Variants in DCAF4L2 observed in about 807,000 individuals in gnomAD.
DCAF4L2 encodes the protein DDB1- and CUL4-associated factor 4-like protein 2.
Under a neutral mutation model 15.5 loss-of-function variants are expected in DCAF4L2, and 13 were observed. The observed-to-expected ratio is 0.84, with a 90% CI of 0.54 to 1.33. DCAF4L2 has a LOEUF of 1.33. Among genes scored for constraint, DCAF4L2 ranks in the 40% most tolerant of loss-of-function variants. DCAF4L2 has a pLI of 0.00. For missense variants in DCAF4L2, 519 were observed against 509.6 expected (o/e 1.02, Z -0.18); for synonymous variants, 251 against 207.0 (o/e 1.21, Z -1.83).
At position 87,872,521 on chromosome 8, in the gene DCAF4L2, G is replaced by C. The variant is rs539446152; in HGVS notation, c.*263C>G. The C allele has an allele frequency of 2.0e-5, 6 of 292,704 alleles. No individual in the cohort carries two copies. In the Admixed American group the frequency reaches 2.3e-4, roughly 11 times the overall value. 18.1% of individuals were successfully genotyped at this position (292,704 alleles called of 1,614,324 possible). On this transcript the variant is annotated 3_prime_UTR_variant, in exon 1 of 1. Transcript: ENST00000319675. ...TTTGTTAAAAAAAAAAAAAAAGGGGGGGATAACTATTCTAAGGTATTCAAC... is the reference window on the plus strand; with the variant it reads ...TTTGTTAAAAAAAAAAAAAAAGGGGCGGATAACTATTCTAAGGTATTCAAC...
In DCAF4L2 at chr8:87,873,982, G is replaced by A. The variant is rs139114827; in HGVS notation, c.-11C>T. The A allele has an allele frequency of 6.8e-6, 11 of 1,610,672 alleles. No individual in the cohort carries two copies. The highest frequency in any genetic ancestry group is 5.5e-5 in the South Asian group (5 of 90,702). On this transcript the variant is annotated 5_prime_UTR_variant, in exon 1 of 1. Transcript: ENST00000319675. The stretch of plus-strand genomic sequence containing the variant: ...TCTTTTGCTCTCCATTTCGTTCGGC[G>A]GATGTTCTCCCTCCTGAGGGGAAGT...
Position 87,872,288 on chromosome 8 carries a change from G to C in DCAF4L2, c.*496C>G, listed in dbSNP as rs780603248. On this transcript the variant is annotated 3_prime_UTR_variant, in exon 1 of 1. Transcript: ENST00000319675. ...CCAAGTTTAATGATTCCAAAATGTAGCCTTAAAAACTTCTGGAGAGACTCA... is the reference window on the plus strand; with the variant it reads ...CCAAGTTTAATGATTCCAAAATGTACCCTTAAAAACTTCTGGAGAGACTCA... 6.5e-6 allele frequency: 1 copy of C among 154,540 alleles called. No homozygotes were observed. The highest frequency in any genetic ancestry group is 2.4e-5 in the African/African-American group (1 of 41,396). The allele number at this position is 154,540 out of a possible 1,614,324, so 9.6% of individuals were successfully genotyped here. A position where few individuals can be genotyped will look rare whatever the true frequency, so the allele number is the denominator to read the frequency against.
chr8:87,873,387 G>C lies in DCAF4L2; in HGVS notation c.585C>G (p.His195Gln). Residue 195 changes from histidine to glutamine, a missense_variant, in exon 1 of 1, where the codon CAC becomes CAG. His to Gln is a conservative substitution (Grantham distance 24, BLOSUM62 0). Coordinates refer to ENST00000319675, the MANE Select transcript of DCAF4L2 (RefSeq NM_152418.4). ...AWSCAWSLSI[H>Q]AYHSFSTGLS... is the part of the protein sequence containing the mutation. ...AGCCTGTACTGAAAGAGTGATACGC[G>C]TGGATGCTCAGGGACCAGGCACAGG... The C allele has an allele frequency of 1.2e-6, 2 of 1,614,202 alleles. No homozygotes were observed. Among genetic ancestry groups the C allele is most frequent in the East Asian group, 2.2e-5 (1 of 44,872 alleles).
In DCAF4L2 at chr8:87,872,714, G is replaced by A. The variant is rs1809421000; in HGVS notation, c.*70C>T. The A allele has an allele frequency of 2.1e-6, 3 of 1,450,740 alleles. No individual in the cohort carries two copies. The highest frequency in any genetic ancestry group is 4.7e-5 in the East Asian group (2 of 42,468). 89.9% of individuals were successfully genotyped at this position (1,450,740 alleles called of 1,614,324 possible). On this transcript the variant is annotated 3_prime_UTR_variant, in exon 1 of 1. Coordinates refer to ENST00000319675, the MANE Select transcript of DCAF4L2 (RefSeq NM_152418.4). ...GAACATCTCTTAAAATGCGCTCATA[G>A]AAACGGTAATACGATGCTCTTTACT...
At position 87,872,501 on chromosome 8, in the gene DCAF4L2, TAAAA is replaced by T. The variant is rs35671460; in HGVS notation, c.*279_*282del. The T allele has an allele frequency of 0.023, 4,421 of 194,010 alleles. 145 individuals are homozygous for T. The highest frequency in any genetic ancestry group is 0.088 in the African/African-American group (3,673 of 41,700). The allele number at this position is 194,010 out of a possible 1,614,324, so 12.0% of individuals were successfully genotyped here. ...AGTCCTTAGAAAAGTGTTTTTTTGT[TAAAA>T]AAAAAAAAAAAGGGGGGGATAACTA... On this transcript the variant is annotated 3_prime_UTR_variant, in exon 1 of 1. Coordinates refer to ENST00000319675, the MANE Select transcript of DCAF4L2 (RefSeq NM_152418.4).
In DCAF4L2 at chr8:87,873,430, T is replaced by C. The variant is rs948401995; in HGVS notation, c.542A>G (p.Gln181Arg). 44 of 1,614,162 alleles carry C rather than the reference T, an allele frequency of 2.7e-5. No homozygotes were observed. Among genetic ancestry groups the C allele is most frequent in the Non-Finnish European group, 3.5e-5 (41 of 1,180,024 alleles). ...GGCACAGGACCAGGCATCAGGGATC[T>C]GGAAACTGCAAAGCATGCCAGGCCG... ...MRRPGMLCSF[Q>R]IPDAWSCAWS... Residue 181 changes from glutamine to arginine, a missense_variant, in exon 1 of 1, where the codon CAG (glutamine) becomes CGG (arginine). Transcript: ENST00000319675.
At position 87,872,718 on chromosome 8, in the gene DCAF4L2, C is replaced by A. The variant is rs894119877; in HGVS notation, c.*66G>T. 4.8e-6 allele frequency: 7 copies of A among 1,464,648 alleles called. No homozygotes were observed. In the Middle Eastern group the frequency reaches 8.6e-4, roughly 181 times the overall value. The allele number at this position is 1,464,648 out of a possible 1,614,324, so 90.7% of individuals were successfully genotyped here. A position where few individuals can be genotyped will look rare whatever the true frequency, so the allele number is the denominator to read the frequency against. On this transcript the variant is annotated 3_prime_UTR_variant, in exon 1 of 1. Coordinates refer to ENST00000319675, the MANE Select transcript of DCAF4L2 (RefSeq NM_152418.4). Reference sequence around the variant, plus strand: ...ATCTCTTAAAATGCGCTCATAGAAACGGTAATACGATGCTCTTTACTTCTT... The same window carrying A: ...ATCTCTTAAAATGCGCTCATAGAAAAGGTAATACGATGCTCTTTACTTCTT...
Position 87,870,829 on chromosome 8 carries a change from C to T in DCAF4L2, c.*1955G>A, listed in dbSNP as rs1247226056. On this transcript the variant is annotated 3_prime_UTR_variant, in exon 1 of 1. Coordinates refer to ENST00000319675, the MANE Select transcript of DCAF4L2 (RefSeq NM_152418.4). Reference sequence around the variant, plus strand: ...TCATTACATTTTCTTTTGTCAACTGCCCATAGCTGCTTTTGGACTTTTTTA... The same window carrying T: ...TCATTACATTTTCTTTTGTCAACTGTCCATAGCTGCTTTTGGACTTTTTTA... 1.3e-5 allele frequency: 2 copies of T among 152,172 alleles called. No homozygotes were observed. Among genetic ancestry groups the T allele is most frequent in the Non-Finnish European group, 2.9e-5 (2 of 67,978 alleles). The allele number at this position is 152,172 out of a possible 1,614,324, so 9.4% of individuals were successfully genotyped here. A position where few individuals can be genotyped will look rare whatever the true frequency, so the allele number is the denominator to read the frequency against.
At position 87,872,116 on chromosome 8, in the gene DCAF4L2, A is replaced by G. The variant is rs1451538830; in HGVS notation, c.*668T>C. 1 of 166,396 alleles carries G rather than the reference A, an allele frequency of 6.0e-6. No homozygotes were observed. Among genetic ancestry groups the G allele is most frequent in the Non-Finnish European group, 1.5e-5 (1 of 68,112 alleles). The allele number at this position is 166,396 out of a possible 1,614,324, so 10.3% of individuals were successfully genotyped here. On this transcript the variant is annotated 3_prime_UTR_variant, in exon 1 of 1. Coordinates refer to ENST00000319675, the MANE Select transcript of DCAF4L2 (RefSeq NM_152418.4). ...CAATAATAGAAACCGGAGCTGCTGT[A>G]CCTTACATTCTGGAAGATGCCTCAA...
Position 87,872,913 on chromosome 8 carries a change from G to A in DCAF4L2, c.1059C>T (p.Pro353=), listed in dbSNP as rs1809425671. 5 of 1,614,052 alleles carry A rather than the reference G, an allele frequency of 3.1e-6. No homozygotes were observed. In the South Asian group the frequency reaches 5.5e-5, roughly 18 times the overall value. The stretch of plus-strand genomic sequence containing the variant: ...CGTTCTCCGAGGCGGGGTATGGGGA[G>A]GGTATGGTTGTGAGCAGGTGGCCAT... The part of the protein sequence containing the change: ...LRHGHLLTTI[P]SPYPASENDI... Residue 353 remains proline (P), a synonymous_variant, in exon 1 of 1, where the codon CCC becomes CCT. Coordinates refer to ENST00000319675, the MANE Select transcript of DCAF4L2 (RefSeq NM_152418.4).
At position 87,872,832 on chromosome 8, in the gene DCAF4L2, C is replaced by A. The variant is rs1437609272; in HGVS notation, c.1140G>T (p.Gly380=). 3 of 1,612,126 alleles carry A rather than the reference C, an allele frequency of 1.9e-6. No homozygotes were observed. Among genetic ancestry groups the A allele is most frequent in the African/African-American group, 2.7e-5 (2 of 74,890 alleles). The part of the protein sequence containing the change: ...SRLGGFRGAP[G]LLMAVREDLY... The stretch of plus-strand genomic sequence containing the variant: ...GGTCCTCCCGGACAGCCATGAGCAG[C>A]CCTGGTGCTCCTCGGAAGCCCCCGA... Residue 380 remains glycine, a synonymous_variant, in exon 1 of 1, where the codon GGG becomes GGT. Transcript: ENST00000319675.
At position 87,873,686 on chromosome 8, in the gene DCAF4L2, C is replaced by T; in HGVS notation, c.286G>A (p.Gly96Ser). ...ATGGTGATGATGCCGTACTTGGAGC[C>T]TCCAGCTTCGACTTGGTTCACTGTG... Reference protein sequence around the residue: ...LFTVNQVEAGGSKYGIITMRG... With the variant: ...LFTVNQVEAGSSKYGIITMRG... The change falls in exon 1 of 1, where the codon GGC becomes AGC. Residue 96 changes from glycine (G) to serine (S), a missense_variant. Coordinates refer to ENST00000319675, the MANE Select transcript of DCAF4L2 (RefSeq NM_152418.4). 1 of 1,614,188 alleles carries T rather than the reference C, an allele frequency of 6.2e-7. No homozygotes were observed. The highest frequency in any genetic ancestry group is 1.7e-5 in the Admixed American group (1 of 60,014).
rs746668277 is a variant in DCAF4L2 at position 87,873,743 on chromosome 8, T to C, written c.229A>G (p.Ile77Val). ...SSLASDRFNR[I>V]LANTNTDQLF... is the part of the protein sequence containing the mutation. Reference sequence around the variant, plus strand: ...TGGTCAGTGTTGGTATTCGCCAGTATGCGGTTAAATCGGTCGCTTGCCAAA... The same window carrying C: ...TGGTCAGTGTTGGTATTCGCCAGTACGCGGTTAAATCGGTCGCTTGCCAAA... The change falls in exon 1 of 1, where the codon ATA (isoleucine) becomes GTA (valine). Residue 77 changes from isoleucine to valine, a missense_variant. By Grantham distance (29) the Ile-to-Val change is conservative. Coordinates refer to ENST00000319675, the MANE Select transcript of DCAF4L2 (RefSeq NM_152418.4). 3.1e-6 allele frequency: 5 copies of C among 1,614,208 alleles called. No homozygotes were observed. Among genetic ancestry groups the C allele is most frequent in the Non-Finnish European group, 4.2e-6 (5 of 1,180,038 alleles).
chr8:87,873,342 C>G lies in DCAF4L2; in HGVS notation c.630G>C (p.Leu210Phe). Residue 210 changes from leucine to phenylalanine, a missense_variant, in exon 1 of 1, where the codon TTG becomes TTC. Coordinates refer to ENST00000319675, the MANE Select transcript of DCAF4L2 (RefSeq NM_152418.4). ...GCTGGTGTCCCGTCACCACGTTGGT[C>G]AACAGGACCTGCTGAGACAAGCCTG... ...FSTGLSQQVL[L>F]TNVVTGHQQS... 1 of 1,614,198 alleles carries G rather than the reference C, an allele frequency of 6.2e-7. No homozygotes were observed. Among genetic ancestry groups the G allele is most frequent in the East Asian group, 2.2e-5 (1 of 44,872 alleles).
At position 87,873,523 on chromosome 8, in the gene DCAF4L2, GC is replaced by G. The variant is rs1563480742; in HGVS notation, c.448del (p.Ala150GlnfsTer16). The G allele has an allele frequency of 1.9e-6, 3 of 1,614,208 alleles. No individual in the cohort carries two copies. Among genetic ancestry groups the G allele is most frequent in the Non-Finnish European group, 2.5e-6 (3 of 1,180,046 alleles). ...CAGCACGGCACAGCTTGGAGTATCTGCAAGTCCCACGAAGCACAGCAGAAGG... is the reference window on the plus strand; with the variant it reads ...CAGCACGGCACAGCTTGGAGTATCTGAAGTCCCACGAAGCACAGCAGAAGG... Reference protein sequence around the residue: ...SHLLLCFVGLADTPSCAVLLP... With the variant: ...SHLLLCFVGLXDTPSCAVLLP... On this transcript the variant is annotated frameshift_variant, in exon 1 of 1. Transcript: ENST00000319675. LOFTEE classifies it high-confidence loss of function.
Position 87,873,137 on chromosome 8 carries a change from G to A in DCAF4L2, c.835C>T (p.Leu279Phe), listed in dbSNP as rs146197461. Residue 279 changes from leucine to phenylalanine, a missense_variant, in exon 1 of 1, where the codon CTC becomes TTC. Leu to Phe is a conservative substitution (Grantham distance 22, BLOSUM62 0). Coordinates refer to ENST00000319675, the MANE Select transcript of DCAF4L2 (RefSeq NM_152418.4). Reference sequence around the variant, plus strand: ...GACACCAGGAATTGGCCATCTTGGAGGATTTGCAGAGAAGTCACTGCTGAA... The same window carrying A: ...GACACCAGGAATTGGCCATCTTGGAAGATTTGCAGAGAAGTCACTGCTGAA... ...HDSAVTSLQILQDGQFLVSSD... is the reference protein window; with the variant it reads ...HDSAVTSLQIFQDGQFLVSSD... The A allele has an allele frequency of 5.2e-4, 832 of 1,614,192 alleles. 6 individuals are homozygous for A. The African/African-American group carries it at 7.4e-3, about 14-fold the overall frequency.
rs1229922122 is a variant in DCAF4L2 at position 87,873,548 on chromosome 8, G to C, written c.424C>G (p.Leu142Val). Residue 142 changes from leucine (L) to valine (V), a missense_variant, in exon 1 of 1, where the codon CTT (leucine) becomes GTT (valine). By Grantham distance (32) the Leu-to-Val change is conservative. Coordinates refer to ENST00000319675, the MANE Select transcript of DCAF4L2 (RefSeq NM_152418.4). ...GCAAGTCCCACGAAGCACAGCAGAA[G>C]GTGGGAATCCAAGTGATTCAGTGAG... ...WASLNHLDSH[L>V]LLCFVGLADT... 2 of 1,614,182 alleles carry C rather than the reference G, an allele frequency of 1.2e-6. No individual in the cohort carries two copies. Among genetic ancestry groups the C allele is most frequent in the Non-Finnish European group, 1.7e-6 (2 of 1,180,036 alleles).
In DCAF4L2 at chr8:87,873,869, C is replaced by T. The variant is rs1249056951; in HGVS notation, c.103G>A (p.Gly35Ser). Residue 35 changes from glycine (G) to serine (S), a missense_variant, in exon 1 of 1, where the codon GGT becomes AGT. Transcript: ENST00000319675. Reference protein sequence around the residue: ...APSMLRKNQLGFLRFANYCRI... With the variant: ...APSMLRKNQLSFLRFANYCRI... ...CAATAGTTGGCGAATCTGAGGAAAC[C>T]TAGCTGGTTCTTTCGTAGCATGGAA... 3 of 1,614,132 alleles carry T rather than the reference C, an allele frequency of 1.9e-6. 1 individual carries two copies. The South Asian group carries it at 3.3e-5, about 18-fold the overall frequency.
At position 87,873,784 on chromosome 8, in the gene DCAF4L2, C is replaced by T. The variant is rs760834785; in HGVS notation, c.188G>A (p.Ser63Asn). Residue 63 changes from serine (S) to asparagine (N), a missense_variant, in exon 1 of 1, where the codon AGC becomes AAC. Ser to Asn is a conservative substitution (Grantham distance 46). Coordinates refer to ENST00000319675, the MANE Select transcript of DCAF4L2 (RefSeq NM_152418.4). The stretch of plus-strand genomic sequence containing the variant: ...GCTTGCCAAAGAGGAGGGATCCCAG[C>T]TATGAATCTGGACCTTTTTCCTCTG... Reference protein sequence around the residue: ...CMQRKKVQIHSWDPSSLASDR... With the variant: ...CMQRKKVQIHNWDPSSLASDR... 5.0e-6 allele frequency: 8 copies of T among 1,614,134 alleles called. No homozygotes were observed. The highest frequency in any genetic ancestry group is 6.8e-6 in the Non-Finnish European group (8 of 1,180,036).
Sources: gnomAD v4.1 joint callset for allele counts on GRCh38, gnomAD v4.1.1 for gene constraint, MANE v1.5 for transcripts, NCBI Gene and HGNC (gene_info 2026-07-23, HGNC 2026-07-21) for gene names.